The following GATAD1 variants were observed in gnomAD, a reference collection of about 807,000 sequenced individuals.
The protein encoded by GATAD1 is GATA zinc finger domain-containing protein 1.
In GATAD1, 12 loss-of-function variants were observed where a neutral mutation model predicts 26.5. The observed-to-expected ratio is 0.45, with a 90% CI of 0.29 to 0.73. The LOEUF (loss-of-function observed/expected upper bound fraction) is 0.73, where lower values mean the gene tolerates loss of function less well. GATAD1 is among the 30% of genes least tolerant of loss of function. The probability of loss-of-function intolerance (pLI) is 0.10; values close to 1 mark genes in which losing one functional copy is unlikely to be tolerated. For missense variants in GATAD1, 266 were observed against 342.1 expected (o/e 0.78, Z 1.75); for synonymous variants, 129 against 133.1 (o/e 0.97, Z 0.21).
At chr7:92,456,327 A>T in intron 4 of GATAD1, 45 bp from the exon 5 acceptor site, 1 of 1,299,410 alleles carries the variant, frequency 7.7e-7, no homozygotes, top group Non-Finnish European at 1.1e-6. Flanking sequence ...AAAATGATAT[A>T]TATGGTCAAA....
chr7:92,494,589 A>C, the GATAD1 span: 2 of 1,614,090 alleles, frequency 1.2e-6, no homozygotes, highest in Non-Finnish European at 1.7e-6. Flanking sequence ...ATGGATTCAA[A>C]TTCATCAAAG....
the GATAD1 span, chr7:92,468,629 AG>A: frequency 1.7e-6 from 1 of 575,302 alleles, no homozygotes. Flanking sequence ...CCGTGTTTAA[AG>A]GTGGATGTGG....
At chr7:92,487,391 TCC>T in the GATAD1 span, 3 of 822,620 alleles carry the variant, frequency 3.6e-6, no homozygotes, top group African/African-American at 3.4e-5. Flanking sequence ...ACCATTTTTT[TCC>T]TGTTACAACA....
the GATAD1 span, chr7:92,489,278 G>C: frequency 6.2e-7 from 1 of 1,610,340 alleles, no homozygotes; most frequent in Non-Finnish European, 8.5e-7. Flanking sequence ...TTCCAAAACA[G>C]AATCTGTTAC....
At chr7:92,470,608 T>G in the GATAD1 span, 1 of 451,566 alleles carries the variant, frequency 2.2e-6, no homozygotes, top group Admixed American at 3.9e-5. Context: ...CCAGGATGTA[T>G]CTAGGGATGG....
Position 92,454,487 on chromosome 7 carries a change from TTC to T in GATAD1, c.436-13_436-12del. The T allele has an allele frequency of 6.3e-7, 1 of 1,582,902 alleles. No individual in the cohort carries two copies. Among genetic ancestry groups the T allele is most frequent in the Middle Eastern group, 1.7e-4 (1 of 6,006 alleles). On this transcript the variant is annotated splice_polypyrimidine_tract_variant and intron_variant, in intron 3 of 4. Transcript: ENST00000287957. ...TTTTTATTTTCAATGTGGGATTATC[TTC>T]TGTTTCCCCCAGGGAGTATATTACC...
At chr7:92,488,727 A>G in the GATAD1 span, among the ~76,000 whole-genome samples, 225 of 151,576 alleles carry the variant, frequency 1.5e-3, 1 homozygote, top group African/African-American at 5.0e-3. Flanking sequence ...CGAAGTTACT[A>G]AATTTTTTTT....
intron 4 of GATAD1, among the ~76,000 whole-genome samples, chr7:92,454,991 G>A (rs1789607505): frequency 6.6e-6 from 1 of 151,918 alleles, no homozygotes; most frequent in Non-Finnish European, 1.5e-5. Context: ...CACCATTTCT[G>A]TCAGATGAGG....
downstream of GATAD1, among the ~76,000 whole-genome samples, chr7:92,464,253 G>C (rs1402794392): frequency 1.3e-5 from 2 of 152,194 alleles, no homozygotes; most frequent in Non-Finnish European, 2.9e-5. Context: ...TGTGTGTTCT[G>C]TTTTGTAATG....
chr7:92,465,958 G>A, the GATAD1 span, among the ~76,000 whole-genome samples: 1 of 150,936 alleles, frequency 6.6e-6, no homozygotes, highest in Non-Finnish European at 1.5e-5. Context: ...AGCCAAGATC[G>A]CACCGTTGTA....
intron 3 of GATAD1, among the ~76,000 whole-genome samples, chr7:92,451,826 T>C (rs1190851237): frequency 6.6e-6 from 1 of 152,260 alleles, no homozygotes; most frequent in African/African-American, 2.4e-5. Flanking sequence ...CCCCATTTTC[T>C]AGATGAGAAC....
chr7:92,489,528 C>T, the GATAD1 span: 9 of 1,083,934 alleles, frequency 8.3e-6, no homozygotes, highest in East Asian at 7.6e-5. Context: ...AGAGACCATA[C>T]GTTCTCTTCC....
the GATAD1 span, among the ~76,000 whole-genome samples, chr7:92,495,320 TG>T: frequency 2.0e-5 from 3 of 152,170 alleles, no homozygotes; most frequent in Non-Finnish European, 4.4e-5. Flanking sequence ...TCACGGTGAT[TG>T]AAAAAAATCA....
chr7:92,469,861 C>G, the GATAD1 span: 4 of 776,240 alleles, frequency 5.2e-6, no homozygotes, highest in South Asian at 5.4e-5. Flanking sequence ...CTCATGGAGC[C>G]CAGTGAGGGT....
intron 4 of GATAD1, among the ~76,000 whole-genome samples, chr7:92,455,672 A>G (rs1002116654): frequency 4.6e-5 from 7 of 152,228 alleles, no homozygotes; most frequent in Middle Eastern, 3.2e-3. Flanking sequence ...GAGAACAAGC[A>G]TAAGTGTGTT....
intron 4 of GATAD1, among the ~76,000 whole-genome samples, chr7:92,455,463 T>C (rs1789630664): frequency 6.6e-6 from 1 of 152,222 alleles, no homozygotes; most frequent in Non-Finnish European, 1.5e-5. Context: ...CATGTCATCT[T>C]AGGCCTTTAT....
intron 3 of GATAD1, 92 bp downstream of exon 3, chr7:92,450,852 CTT>C: frequency 1.3e-6 from 1 of 768,204 alleles, no homozygotes; most frequent in Non-Finnish European, 2.3e-6. Context: ...CTCTGCTACT[CTT>C]TATTTGTATA....
intron 2 of GATAD1, chr7:92,449,669 TTTTC>T (rs1789335520): frequency 2.2e-6 from 2 of 919,924 alleles, no homozygotes; most frequent in African/African-American, 1.8e-5. Flanking sequence ...TGGCAGACTA[TTTTC>T]TTTTTTTTTT....
Position 92,458,148 on chromosome 7 carries a change from AAG to A in GATAD1, c.*1588_*1589del, listed in dbSNP as rs919168199. 2.7e-5 allele frequency: 4 copies of A among 150,500 alleles called. No homozygotes were observed. The highest frequency in any genetic ancestry group is 7.5e-5 in the African/African-American group (3 of 40,252). The allele number at this position is 150,500 out of a possible 1,614,324, so 9.3% of individuals were successfully genotyped here. A position where few individuals can be genotyped will look rare whatever the true frequency, so the allele number is the denominator to read the frequency against. ...CAAGACTGTCTCAAAAAAGAAAAAA[AAG>A]AAAAAATTTTAATTTAATCCTTCTG... is the stretch of plus-strand genomic sequence containing the variant. On this transcript the variant is annotated 3_prime_UTR_variant, in exon 5 of 5. Transcript: ENST00000287957.
Sources: allele counts gnomAD v4.1 joint callset (sites outside exome capture counted in the v4.1 genomes callset), GRCh38; gene constraint gnomAD v4.1.1; transcripts MANE v1.5; gene names NCBI Gene and HGNC (gene_info 2026-07-23, HGNC 2026-07-21).